Variants in UNC5A observed in about 807,000 individuals in gnomAD.
UNC5A encodes netrin receptor UNC5A.
In UNC5A, 20 loss-of-function variants were observed where a neutral mutation model predicts 87.4. That is an observed-to-expected ratio of 0.23 (90% CI 0.16 to 0.33). The LOEUF (loss-of-function observed/expected upper bound fraction) is 0.33. UNC5A is among the 10% of genes least tolerant of loss of function. The pLI, the probability that UNC5A is intolerant of heterozygous loss-of-function variation, is 1.00. For synonymous variants in UNC5A, 438 were observed against 482.3 expected, an observed-to-expected ratio of 0.91 and a Z score of 1.20; for missense variants, 844 against 1,133.4, an observed-to-expected ratio of 0.74 and a Z score of 3.67.
At chr5:176,827,829 CA>C (rs1756891868) in intron 1 of UNC5A, among the ~76,000 whole-genome samples, 1 of 152,212 alleles carries the variant, frequency 6.6e-6, no homozygotes, top group Non-Finnish European at 1.5e-5. Flanking sequence ...TAAATTCTTG[CA>C]AACATTTTTC....
intron 2 of UNC5A, 115 bp downstream of exon 2, chr5:176,862,960 C>T (rs943077715): frequency 7.5e-6 from 9 of 1,205,652 alleles, no homozygotes; most frequent in Non-Finnish European, 1.1e-5. Flanking sequence ...GAGGCCTTCC[C>T]CAGAGGCCAC....
chr5:176,877,006 G>T (rs1414511071), intron 8 of UNC5A, among the ~76,000 whole-genome samples, 186 bp from the exon 9 acceptor site: 1 of 152,186 alleles, frequency 6.6e-6, no homozygotes, highest in Non-Finnish European at 1.5e-5. Flanking sequence ...TGCTCATGGG[G>T]TGCCCCTGAC....
rs1050533481 is a variant in UNC5A, at chr5:176,813,251, G to A, written c.70+2431G>A. On this transcript the variant is annotated intron_variant, in intron 1 of 14. Coordinates refer to ENST00000329542, the MANE Select transcript of UNC5A (RefSeq NM_133369.3). ...TCTCCCTGTCACCCAGACCTCTGCA[G>A]TCTTGAGCAGGAGGGACTTGGGAGC... Among the ~76,000 whole-genome samples the A allele has an allele frequency of 2.0e-5, 3 of 152,242 alleles. No homozygotes were observed. The South Asian group carries it at 6.2e-4, about 31-fold the overall frequency.
chr5:176,861,052 C>T lies in UNC5A; in HGVS notation c.71-1572C>T, dbSNP rs1158970456. Among the ~76,000 whole-genome samples the T allele has an allele frequency of 2.0e-5, 3 of 152,308 alleles. No homozygotes were observed. The East Asian group carries it at 5.8e-4, about 29-fold the overall frequency. On this transcript the variant is annotated intron_variant, in intron 1 of 14. Coordinates refer to ENST00000329542, the MANE Select transcript of UNC5A (RefSeq NM_133369.3). ...TGAGCTCACAAAGACACAGCTGTTG[C>T]ACCCCTCAGCTCAGCCAGCCTCCCT...
intron 1 of UNC5A, among the ~76,000 whole-genome samples, chr5:176,826,889 T>A (rs1161032948): frequency 6.6e-6 from 1 of 152,124 alleles, no homozygotes; most frequent in Non-Finnish European, 1.5e-5. Flanking sequence ...TCTGCCCGTC[T>A]CGGCCTCCCA....
At position 176,829,735 on chromosome 5, in the gene UNC5A, A is replaced by G. The variant is rs761811999; in HGVS notation, c.70+18915A>G. Among the ~76,000 whole-genome samples, 6 of 152,096 alleles carry G rather than the reference A, an allele frequency of 3.9e-5. No individual in the cohort carries two copies. The South Asian group carries it at 1.0e-3, about 26-fold the overall frequency. The stretch of plus-strand genomic sequence containing the variant: ...ACTCCCTTGCCATATTGGGCATCCT[A>G]TCATCCCTGAATCAGTCCCTCAAGT... On this transcript the variant is annotated intron_variant, in intron 1 of 14. Transcript: ENST00000329542.
At chr5:176,858,772 A>C (rs536088111) in intron 1 of UNC5A, among the ~76,000 whole-genome samples, 2,168 of 140,122 alleles carry the variant, frequency 0.015, 95 homozygotes, top group African/African-American at 0.056. Context: ...GGAAGGAAGG[A>C]AGGCAAGCAA....
intron 2 of UNC5A, chr5:176,864,808 A>G (rs1349647155): frequency 2.2e-6 from 1 of 455,720 alleles, no homozygotes; most frequent in Non-Finnish European, 4.4e-6. Flanking sequence ...TCTACCTCCT[A>G]CCCTCAGAGG....
At chr5:176,867,906 C>A (rs1329879017) in intron 2 of UNC5A, among the ~76,000 whole-genome samples, 1 of 151,990 alleles carries the variant, frequency 6.6e-6, no homozygotes, top group East Asian at 1.9e-4. Context: ...CTGCCCGGGG[C>A]CTTCAGGAGA....
chr5:176,821,615 A>T (rs1361273290), intron 1 of UNC5A, among the ~76,000 whole-genome samples: 2 of 152,308 alleles, frequency 1.3e-5, no homozygotes, highest in East Asian at 3.9e-4. Context: ...GCCAATTTCC[A>T]TGGTGTAAAT....
chr5:176,823,682 G>A (rs775036761), intron 1 of UNC5A, among the ~76,000 whole-genome samples: 1 of 151,868 alleles, frequency 6.6e-6, no homozygotes, highest in Non-Finnish European at 1.5e-5. Context: ...TCCACAGGGG[G>A]GCTCTATGGG....
Position 176,810,945 on chromosome 5 carries a change from G to A in UNC5A, c.70+125G>A, listed in dbSNP as rs1267556767. 2 of 832,572 alleles carry A rather than the reference G, an allele frequency of 2.4e-6. No homozygotes were observed. The highest frequency in any genetic ancestry group is 1.5e-6 in the Non-Finnish European group (1 of 658,130). The allele number at this position is 832,572 out of a possible 1,614,324, so 51.6% of individuals were successfully genotyped here. A position where few individuals can be genotyped will look rare whatever the true frequency, so the allele number is the denominator to read the frequency against. ...TGGGAGCCCCCCGAGGCCAAACTTT[G>A]CGAGGCGGGACGCGGGGGGCTCTTC... On this transcript the variant is annotated intron_variant, in intron 1 of 14. Coordinates refer to ENST00000329542, the MANE Select transcript of UNC5A (RefSeq NM_133369.3). The surrounding 1 kb of genome is among the most constrained non-coding windows in gnomAD (Gnocchi z 7.3).
intron 1 of UNC5A, among the ~76,000 whole-genome samples, chr5:176,837,404 G>A (rs1029364876): frequency 1.3e-5 from 2 of 152,172 alleles, no homozygotes; most frequent in African/African-American, 4.8e-5. Flanking sequence ...ACTTCCCAGA[G>A]CCCTACTCTG....
intron 1 of UNC5A, among the ~76,000 whole-genome samples, chr5:176,845,731 C>T (rs1330776557): frequency 1.3e-5 from 2 of 152,210 alleles, no homozygotes; most frequent in African/African-American, 2.4e-5. Flanking sequence ...CAGAAGGGCA[C>T]CCACCAGGGT....
At chr5:176,873,470 C>T (rs1055727034) in intron 6 of UNC5A, among the ~76,000 whole-genome samples, 1 of 152,164 alleles carries the variant, frequency 6.6e-6, no homozygotes, top group Non-Finnish European at 1.5e-5. Context: ...CAATCACCCC[C>T]TCCCCAGACC....
chr5:176,826,471 T>C (rs1756855740), intron 1 of UNC5A, among the ~76,000 whole-genome samples: 1 of 152,224 alleles, frequency 6.6e-6, no homozygotes, highest in African/African-American at 2.4e-5. Flanking sequence ...AGTTGGACTT[T>C]GATGCATATA....
chr5:176,846,100 T>C (rs1265964644), intron 1 of UNC5A, among the ~76,000 whole-genome samples: 1 of 152,054 alleles, frequency 6.6e-6, no homozygotes, highest in African/African-American at 2.4e-5. Flanking sequence ...CCACATAGGA[T>C]GGCTGAGGCG....
At chr5:176,845,171 C>CA (rs1407832623) in intron 1 of UNC5A, among the ~76,000 whole-genome samples, 1 of 152,174 alleles carries the variant, frequency 6.6e-6, no homozygotes, top group African/African-American at 2.4e-5. Flanking sequence ...TTCCCCCTCT[C>CA]CAGCAGCCTG....
Position 176,810,680 on chromosome 5 carries a change from C to T in UNC5A, c.-71C>T, listed in dbSNP as rs1007956984. 10 of 548,428 alleles carry T rather than the reference C, an allele frequency of 1.8e-5. No individual in the cohort carries two copies. Among genetic ancestry groups the T allele is most frequent in the Non-Finnish European group, 2.1e-5 (9 of 428,802 alleles). 34.0% of individuals were successfully genotyped at this position (548,428 alleles called of 1,614,324 possible). A position where few individuals can be genotyped will look rare whatever the true frequency, so the allele number is the denominator to read the frequency against. On this transcript the variant is annotated 5_prime_UTR_variant, in exon 1 of 15. Coordinates refer to ENST00000329542, the MANE Select transcript of UNC5A (RefSeq NM_133369.3). The surrounding 1 kb of genome is among the most constrained non-coding windows in gnomAD (Gnocchi z 7.3). ...GGGCGCCCCGAGCTGGGGCTCCGGG[C>T]TGAGGCGCTAAAGCCGCCCTCCCGC...
Sources: allele counts gnomAD v4.1 joint callset (sites outside exome capture counted in the v4.1 genomes callset), GRCh38; gene constraint gnomAD v4.1.1; non-coding constraint Gnocchi (gnomAD v3.1); transcripts MANE v1.5; gene names NCBI Gene and HGNC (gene_info 2026-07-23, HGNC 2026-07-21).